Variants in LYZL2 observed in about 807,000 individuals in gnomAD.
LYZL2 encodes lysozyme like 2.
In LYZL2, 13 loss-of-function variants were observed where a neutral mutation model predicts 17.1. The ratio of observed to expected loss-of-function variants is 0.76; its 90% CI spans 0.49 to 1.21. The LOEUF (loss-of-function observed/expected upper bound fraction) is 1.21. Ranked by LOEUF, LYZL2 falls within the 50% of genes most tolerant of loss-of-function variation. The pLI is 0.00. For missense variants in LYZL2, 166 were observed against 189.2 expected (o/e 0.88, Z 0.72); for synonymous variants, 63 against 74.4 (o/e 0.85, Z 0.79).
intron 3 of LYZL2, among the ~76,000 whole-genome samples, chr10:30,621,417 A>T (rs942861866): frequency 6.8e-6 from 1 of 146,280 alleles, no homozygotes; most frequent in Non-Finnish European, 1.5e-5. Context: ...CCATCTCCAC[A>T]ATTTTTTTTT....
intron 3 of LYZL2, among the ~76,000 whole-genome samples, chr10:30,622,204 A>G (rs887597420): frequency 3.3e-5 from 5 of 152,204 alleles, no homozygotes; most frequent in Admixed American, 6.5e-5. Flanking sequence ...AAATGGAACC[A>G]AGAATAGATG....
chr10:30,621,082 ACTC>A (rs1437786525), intron 3 of LYZL2, among the ~76,000 whole-genome samples: 2 of 152,216 alleles, frequency 1.3e-5, no homozygotes, highest in African/African-American at 4.8e-5. Flanking sequence ...AAAATTATAA[ACTC>A]AGGGATACAA....
intron 3 of LYZL2, among the ~76,000 whole-genome samples, chr10:30,619,595 C>T (rs1190902570): frequency 6.7e-6 from 1 of 149,188 alleles, no homozygotes; most frequent in Non-Finnish European, 1.5e-5. Context: ...CCAAACACCG[C>T]ATGTTCTCAC....
chr10:30,617,848 TAAAG>T (rs1243246608), intron 3 of LYZL2, among the ~76,000 whole-genome samples: 1 of 151,694 alleles, frequency 6.6e-6, no homozygotes, highest in Non-Finnish European at 1.5e-5. Flanking sequence ...GAGAAGGAAA[TAAAG>T]GGCATTCAAT....
In LYZL2 at chr10:30,626,636, T is replaced by A. The variant is rs189003937; in HGVS notation, c.139+141A>T. On this transcript the variant is annotated intron_variant, in intron 2 of 4. Transcript: ENST00000647634. The stretch of plus-strand genomic sequence containing the variant: ...GGAGAGGAGACCCAGAGAGCCACAG[T>A]TAGGCCAGCAGCCACCCCTGGGTGT... The A allele has an allele frequency of 1.6e-3, 1,810 of 1,160,404 alleles. 14 individuals are homozygous for A. The African/African-American group carries it at 0.026, about 17-fold the overall frequency. 71.9% of individuals were successfully genotyped at this position (1,160,404 alleles called of 1,614,324 possible).
chr10:30,618,093 A>G (rs1838563105), intron 3 of LYZL2, among the ~76,000 whole-genome samples: 1 of 151,396 alleles, frequency 6.6e-6, no homozygotes, highest in African/African-American at 2.4e-5. Context: ...AAAGAGAATA[A>G]AATACCTAGG....
intron 3 of LYZL2, among the ~76,000 whole-genome samples, chr10:30,623,364 G>A (rs1838654862): frequency 6.6e-6 from 1 of 152,062 alleles, no homozygotes; most frequent in Non-Finnish European, 1.5e-5. Context: ...CAAGGTTAAA[G>A]AAATATTAAA....
chr10:30,607,207 C>A (rs1838387891), downstream of LYZL2, among the ~76,000 whole-genome samples: 1 of 11,630 alleles, frequency 8.6e-5, no homozygotes, highest in African/African-American at 9.5e-4. Context: ...CCACCGCGCC[C>A]AGCCTATTTT....
downstream of LYZL2, among the ~76,000 whole-genome samples, chr10:30,607,644 G>A (rs542848247): frequency 6.6e-6 from 1 of 152,262 alleles, no homozygotes; most frequent in African/African-American, 2.4e-5. Flanking sequence ...GTTCAAGGCA[G>A]AGTGCTGTGA....
At chr10:30,627,955 C>T (rs981485751) in intron 1 of LYZL2, among the ~76,000 whole-genome samples, 2 of 152,198 alleles carry the variant, frequency 1.3e-5, no homozygotes, top group Non-Finnish European at 2.9e-5. Context: ...GTCAGGAGAT[C>T]AAGACCATCC....
In LYZL2 at chr10:30,629,556, G is replaced by A. The variant is rs777327415; in HGVS notation, c.-26+37C>T. Reference sequence around the variant, plus strand: ...AAGAACCTGCCATTGCTGGTTCTCAGGGACAGGTGGCTTCATAAGAGTAAT... The same window carrying A: ...AAGAACCTGCCATTGCTGGTTCTCAAGGACAGGTGGCTTCATAAGAGTAAT... On this transcript the variant is annotated intron_variant, in intron 1 of 4. Transcript: ENST00000647634. The A allele has an allele frequency of 4.4e-6, 7 of 1,606,786 alleles. No individual in the cohort carries two copies. In the South Asian group the frequency reaches 7.7e-5, roughly 18 times the overall value.
At chr10:30,614,259 C>A (rs187815692) in intron 3 of LYZL2, among the ~76,000 whole-genome samples, 1 of 152,186 alleles carries the variant, frequency 6.6e-6, no homozygotes, top group Non-Finnish European at 1.5e-5. Context: ...TGAAAGGAAT[C>A]GGCTGGGGGG....
intron 3 of LYZL2, among the ~76,000 whole-genome samples, chr10:30,615,361 C>T (rs1021437372): frequency 2.6e-5 from 4 of 152,250 alleles, no homozygotes; most frequent in South Asian, 2.1e-4. Context: ...GAGAGTAGAG[C>T]GGTGGCTGGT....
intron 3 of LYZL2, among the ~76,000 whole-genome samples, chr10:30,625,468 G>A (rs891568222): frequency 1.3e-5 from 2 of 151,974 alleles, no homozygotes; most frequent in African/African-American, 2.4e-5. Context: ...CTTAGGCCAG[G>A]AGTTCAAGAC....
chr10:30,618,389 C>G (rs1368886570), intron 3 of LYZL2, among the ~76,000 whole-genome samples: 2 of 152,176 alleles, frequency 1.3e-5, no homozygotes, highest in African/African-American at 2.4e-5. Context: ...GCCAAAAGAA[C>G]AAAGCTGGAG....
At chr10:30,619,358 C>T (rs1429349722) in intron 3 of LYZL2, among the ~76,000 whole-genome samples, 1 of 152,224 alleles carries the variant, frequency 6.6e-6, no homozygotes, top group Admixed American at 6.5e-5. Flanking sequence ...AATCATGCTG[C>T]TATAAAGACA....
At chr10:30,611,530 A>AGAAGGAAGGAAG (rs762109748), downstream of LYZL2, among the ~76,000 whole-genome samples, 1,543 of 80,340 alleles carry the variant, frequency 0.019, 59 homozygotes, top group African/African-American at 0.034. Context: ...GGAAAAAGAA[A>AGAAGGAAGGAAG]GAAGGAAGGA....
At chr10:30,613,474 G>T (rs1838478658) in intron 3 of LYZL2, among the ~76,000 whole-genome samples, 1 of 146,104 alleles carries the variant, frequency 6.8e-6, no homozygotes, top group Non-Finnish European at 1.5e-5. Context: ...TCCAGCCTGG[G>T]CAACAGAGTG....
At chr10:30,628,341 C>T (rs1455866198) in intron 1 of LYZL2, among the ~76,000 whole-genome samples, 2 of 152,134 alleles carry the variant, frequency 1.3e-5, no homozygotes, top group Non-Finnish European at 2.9e-5. Context: ...CTCCGGGCGG[C>T]CTCCTAAAAG....
Sources: allele counts gnomAD v4.1 joint callset (sites outside exome capture counted in the v4.1 genomes callset), GRCh38; gene constraint gnomAD v4.1.1; transcripts MANE v1.5; gene names NCBI Gene and HGNC (gene_info 2026-07-23, HGNC 2026-07-21).